The following KAZN variants were observed in gnomAD, a reference collection of about 807,000 sequenced individuals.
The protein encoded by KAZN is kazrin, periplakin interacting protein, also known as kazrin.
Under a neutral mutation model 87.4 loss-of-function variants are expected in KAZN, and 40 were observed. That is an observed-to-expected ratio of 0.46 (90% CI 0.36 to 0.60). KAZN has a LOEUF of 0.60. Ranked by LOEUF, KAZN falls within the 20% of genes least tolerant of loss-of-function variation. KAZN has a pLI of 0.00. For missense variants in KAZN, 898 were observed against 1,073.9 expected (o/e 0.84, Z 2.29); for synonymous variants, 466 against 458.3 (o/e 1.02, Z -0.22).
chr1:14,968,405 C>G (rs1664683732), intron 2 of KAZN, among the ~76,000 whole-genome samples: 1 of 152,166 alleles, frequency 6.6e-6, no homozygotes, highest in Admixed American at 6.5e-5. Flanking sequence ...GCTGTGCAGC[C>G]TGCTTCCTAA....
chr1:14,175,803 G>A (rs1167875813), intron 1 of KAZN, among the ~76,000 whole-genome samples: 1 of 152,146 alleles, frequency 6.6e-6, no homozygotes, highest in East Asian at 1.9e-4. Context: ...TTGGGAAGAA[G>A]GTTTGTTAAG....
chr1:14,713,775 CAAAA>C (rs58947119), intron 1 of KAZN, among the ~76,000 whole-genome samples: 1 of 94,606 alleles, frequency 1.1e-5, no homozygotes, highest in East Asian at 2.8e-4. Flanking sequence ...CTCATCTCTA[CAAAA>C]AAAAAAAAAA....
At chr1:14,073,822 C>T (rs1643340362) in intron 1 of KAZN, among the ~76,000 whole-genome samples, 1 of 152,072 alleles carries the variant, frequency 6.6e-6, no homozygotes, top group Non-Finnish European at 1.5e-5. Flanking sequence ...GGGTTGGTTC[C>T]AAGTCTTCGT....
At chr1:14,568,005 C>T (rs977344883) in intron 2 of KAZN, among the ~76,000 whole-genome samples, 1 of 152,230 alleles carries the variant, frequency 6.6e-6, no homozygotes, top group Non-Finnish European at 1.5e-5. Context: ...GATTAGGTTA[C>T]ATTCTGTAGC....
At chr1:14,049,319 G>C (rs1468361172) in intron 1 of KAZN, among the ~76,000 whole-genome samples, 1 of 152,072 alleles carries the variant, frequency 6.6e-6, no homozygotes. Flanking sequence ...CCTGTTGTGG[G>C]GTGGGGGGAG....
At chr1:14,476,330 C>T (rs1668721875) in intron 2 of KAZN, among the ~76,000 whole-genome samples, 2 of 152,164 alleles carry the variant, frequency 1.3e-5, no homozygotes, top group African/African-American at 2.4e-5. Context: ...AATTTCTTGC[C>T]CAATTTTCAA....
intron 2 of KAZN, among the ~76,000 whole-genome samples, chr1:15,023,410 A>G (rs1670874558): frequency 6.6e-6 from 1 of 152,166 alleles, no homozygotes; most frequent in Non-Finnish European, 1.5e-5. Flanking sequence ...GGAGGAAGTG[A>G]GACACGTGGG....
At chr1:14,180,467 A>G in exon 2 of KAZN, 1 of 1,550,208 alleles carries the variant, frequency 6.5e-7, no homozygotes. Flanking sequence ...CAATGACCAG[A>G]TTTCCCATTT....
At chr1:14,601,115 C>G (rs1035774972) in intron 1 of KAZN, among the ~76,000 whole-genome samples, 1 of 152,194 alleles carries the variant, frequency 6.6e-6, no homozygotes, top group Non-Finnish European at 1.5e-5. Context: ...CCCATACGCT[C>G]TCAGGACTGT....
chr1:14,941,940 T>C (rs1661126127), intron 1 of KAZN, among the ~76,000 whole-genome samples: 1 of 152,160 alleles, frequency 6.6e-6, no homozygotes, highest in African/African-American at 2.4e-5. Context: ...CTATGGGCCG[T>C]CTACCGCTGG....
At chr1:14,649,920 A>G (rs1046376329) in intron 1 of KAZN, among the ~76,000 whole-genome samples, 1 of 152,070 alleles carries the variant, frequency 6.6e-6, no homozygotes, top group African/African-American at 2.4e-5. Context: ...GGTTAGGGAG[A>G]CACCATTTAT....
intron 1 of KAZN, among the ~76,000 whole-genome samples, chr1:14,715,898 A>T (rs1020888030): frequency 6.6e-6 from 1 of 152,172 alleles, no homozygotes; most frequent in Non-Finnish European, 1.5e-5. Flanking sequence ...CTAAACATTG[A>T]AGCCATCTCT....
intron 1 of KAZN, among the ~76,000 whole-genome samples, chr1:14,679,337 T>G (rs1362800866): frequency 6.6e-6 from 1 of 151,926 alleles, no homozygotes; most frequent in African/African-American, 2.4e-5. Flanking sequence ...CAAGTAAGTT[T>G]AGGATTGGAT....
At chr1:13,916,293 G>A (rs1639848599) in intron 1 of KAZN, among the ~76,000 whole-genome samples, 1 of 152,120 alleles carries the variant, frequency 6.6e-6, no homozygotes, top group Non-Finnish European at 1.5e-5. Flanking sequence ...AAAGAGGAAG[G>A]GATGGCATGC....
chr1:14,585,190 T>A (rs1044083879), intron 2 of KAZN, among the ~76,000 whole-genome samples: 3 of 152,184 alleles, frequency 2.0e-5, no homozygotes, highest in Admixed American at 2.0e-4. Flanking sequence ...AGGAAATACA[T>A]TTCTGTTGGT....
chr1:14,479,057 T>C lies in KAZN; in HGVS notation c.250-119926T>C, dbSNP rs1668928977. On this transcript the variant is annotated intron_variant, in intron 2 of 16. Coordinates refer to the KAZN transcript ENST00000636203. ...CTCCAGCAACTGTCCATCTGAAGGA[T>C]TAGAAACTGAAGTGTTTATCCGCCG... Among the ~76,000 whole-genome samples the C allele has an allele frequency of 2.0e-5, 3 of 152,178 alleles. No individual in the cohort carries two copies. The South Asian group carries it at 6.2e-4, about 32-fold the overall frequency.
chr1:14,276,146 G>A (rs1652326846), intron 2 of KAZN, among the ~76,000 whole-genome samples: 1 of 148,104 alleles, frequency 6.8e-6, no homozygotes, highest in African/African-American at 2.5e-5. Context: ...ATGGAGCATA[G>A]TGTTCGCTAT....
chr1:14,133,106 C>T lies in KAZN; in HGVS notation c.92-47329C>T, dbSNP rs550772915. Among the ~76,000 whole-genome samples the T allele has an allele frequency of 3.5e-4, 53 of 152,196 alleles. No individual in the cohort carries two copies. The South Asian group carries it at 6.2e-3, about 18-fold the overall frequency. Reference sequence around the variant, plus strand: ...GGATTTGGCTAGGCGCAGTGGCTCACGCCTGTAATCCCAGCACTTTGGGAG... The same window carrying T: ...GGATTTGGCTAGGCGCAGTGGCTCATGCCTGTAATCCCAGCACTTTGGGAG... On this transcript the variant is annotated intron_variant, in intron 1 of 16. Coordinates refer to the KAZN transcript ENST00000636203.
At chr1:14,829,070 C>T (rs1646981236) in intron 1 of KAZN, among the ~76,000 whole-genome samples, 1 of 152,158 alleles carries the variant, frequency 6.6e-6, no homozygotes, top group Non-Finnish European at 1.5e-5. Flanking sequence ...TGATCCTTCA[C>T]CTGGGGCTGA....
Sources: gnomAD v4.1 joint callset for allele counts (sites outside exome capture counted in the v4.1 genomes callset) on GRCh38, gnomAD v4.1.1 for gene constraint, MANE v1.5 for transcripts, NCBI Gene and HGNC (gene_info 2026-07-23, HGNC 2026-07-21) for gene names.